GPC5: variants seen among roughly 807,000 people sequenced by gnomAD.
GPC5 encodes glypican-5.
In GPC5, 47 loss-of-function variants were observed where a neutral mutation model predicts 53.9. The observed-to-expected ratio is 0.87, with a 90% CI of 0.69 to 1.11. The LOEUF is 1.11. Ranked by LOEUF, GPC5 falls within the 50% of genes most tolerant of loss-of-function variation. GPC5 has a pLI of 0.00. For synonymous variants in GPC5, 286 were observed against 263.3 expected (o/e 1.09, Z -0.84); for missense variants, 748 against 713.1 (o/e 1.05, Z -0.56).
In GPC5 at chr13:92,137,507, T is replaced by C. The variant is rs1471003262; in HGVS notation, c.1402-7323T>C. Among the ~76,000 whole-genome samples, 6 of 152,218 alleles carry C rather than the reference T, an allele frequency of 3.9e-5. No individual in the cohort carries two copies. The East Asian group carries it at 1.2e-3, about 29-fold the overall frequency. On this transcript the variant is annotated intron_variant, in intron 6 of 7. Coordinates refer to ENST00000377067, the MANE Select transcript of GPC5 (RefSeq NM_004466.6). ...CTCCTACTGGTTATAACGATCTTAA[T>C]GATAAAGTTAACTAACCATAACTGA...
chr13:91,407,688 C>T (rs187579083), intron 1 of GPC5, among the ~76,000 whole-genome samples: 1 of 152,250 alleles, frequency 6.6e-6, no homozygotes, highest in African/African-American at 2.4e-5. Flanking sequence ...ATACATCACT[C>T]GTCTGTGGAA....
At chr13:92,549,217 C>T (rs930099998) in intron 7 of GPC5, among the ~76,000 whole-genome samples, 4 of 152,048 alleles carry the variant, frequency 2.6e-5, no homozygotes, top group Non-Finnish European at 4.4e-5. Context: ...TCTGACTCAA[C>T]ATGTCAGATC....
Position 91,398,699 on chromosome 13 carries a change from G to GGCGGCA in GPC5, c.-339_-334dup, listed in dbSNP as rs1466137435. 5 of 234,894 alleles carry GGCGGCA rather than the reference G, an allele frequency of 2.1e-5. No homozygotes were observed. Among genetic ancestry groups the GGCGGCA allele is most frequent in the South Asian group, 1.2e-4 (1 of 8,606 alleles). The allele number at this position is 234,894 out of a possible 1,614,324, so 14.6% of individuals were successfully genotyped here. On this transcript the variant is annotated 5_prime_UTR_variant, in exon 1 of 8. Coordinates refer to ENST00000377067, the MANE Select transcript of GPC5 (RefSeq NM_004466.6). The stretch of plus-strand genomic sequence containing the variant: ...CGGCAGTGGCGGCAGTGGCGGCAGT[G>GGCGGCA]GCGGCAGCGGCAGCAGTTGCAGCAG...
At chr13:91,503,710 T>C (rs1230790963) in intron 2 of GPC5, among the ~76,000 whole-genome samples, 1 of 149,828 alleles carries the variant, frequency 6.7e-6, no homozygotes, top group African/African-American at 2.5e-5. Flanking sequence ...AACCAGGGAG[T>C]TGGAGGTTGC....
At chr13:91,744,773 A>T (rs1326897045) in intron 4 of GPC5, among the ~76,000 whole-genome samples, 1 of 152,118 alleles carries the variant, frequency 6.6e-6, no homozygotes, top group Non-Finnish European at 1.5e-5. Flanking sequence ...AGCCACAGAA[A>T]ATATCTTATT....
At chr13:92,599,495 CAAGCAGGACATACTAG>C (rs938267830) in intron 7 of GPC5, among the ~76,000 whole-genome samples, 1 of 152,106 alleles carries the variant, frequency 6.6e-6, no homozygotes, top group Non-Finnish European at 1.5e-5. Context: ...GGCAAGATGT[CAAGCAGGACATACTAG>C]AAGTTGATTC....
At chr13:92,746,516 T>C (rs1889244992) in intron 7 of GPC5, among the ~76,000 whole-genome samples, 1 of 152,130 alleles carries the variant, frequency 6.6e-6, no homozygotes, top group African/African-American at 2.4e-5. Flanking sequence ...TGCCTCTCAA[T>C]GCAAAGGAAT....
At chr13:92,827,224 T>C (rs1312035215) in intron 7 of GPC5, among the ~76,000 whole-genome samples, 1 of 152,154 alleles carries the variant, frequency 6.6e-6, no homozygotes, top group African/African-American at 2.4e-5. Context: ...AACGTTCTGC[T>C]TCTGACCTTC....
chr13:92,596,977 A>T lies in GPC5; in HGVS notation c.1562-269305A>T, dbSNP rs771666772. Among the ~76,000 whole-genome samples the T allele has an allele frequency of 1.3e-3, 192 of 152,324 alleles. 1 individual carries two copies. The highest frequency in any genetic ancestry group is 2.5e-3 in the Non-Finnish European group (168 of 68,036). ...GGTGACCAGCAGCTCTGCAGCTATG[A>T]TACGGAGAGACAAGTTCTTCCGTTG... On this transcript the variant is annotated intron_variant, in intron 7 of 7. Coordinates refer to ENST00000377067, the MANE Select transcript of GPC5 (RefSeq NM_004466.6).
At chr13:92,284,566 G>C (rs2139174011) in intron 7 of GPC5, among the ~76,000 whole-genome samples, 1 of 152,226 alleles carries the variant, frequency 6.6e-6, no homozygotes, top group African/African-American at 2.4e-5. Flanking sequence ...CTTCATCCCT[G>C]GGATGCAAGG....
intron 6 of GPC5, among the ~76,000 whole-genome samples, chr13:92,017,864 C>T (rs534724580): frequency 9.9e-5 from 15 of 151,752 alleles, no homozygotes; most frequent in Admixed American, 2.0e-4. Context: ...TACACACATA[C>T]GCGTGCATGA....
At chr13:91,465,667 T>C (rs1460137395) in intron 2 of GPC5, among the ~76,000 whole-genome samples, 1 of 152,202 alleles carries the variant, frequency 6.6e-6, no homozygotes, top group African/African-American at 2.4e-5. Context: ...TCTAATACTT[T>C]TGTATTGAAA....
chr13:91,812,573 A>C (rs924383952), intron 5 of GPC5, among the ~76,000 whole-genome samples: 1 of 152,216 alleles, frequency 6.6e-6, no homozygotes, highest in African/African-American at 2.4e-5. Context: ...GGAATCTACA[A>C]TAATGTCCAA....
At chr13:92,803,858 C>T (rs1283840091) in intron 7 of GPC5, among the ~76,000 whole-genome samples, 2 of 151,896 alleles carry the variant, frequency 1.3e-5, no homozygotes, top group African/African-American at 2.4e-5. Flanking sequence ...ATCATGGAGA[C>T]ATCACACTTC....
chr13:92,275,515 A>G (rs991337289), intron 7 of GPC5, among the ~76,000 whole-genome samples: 5 of 152,176 alleles, frequency 3.3e-5, no homozygotes, highest in African/African-American at 1.2e-4. Context: ...CTTTGTCTAA[A>G]CAATAAGTCA....
chr13:92,332,097 T>C (rs1449888255), intron 7 of GPC5, among the ~76,000 whole-genome samples: 1 of 152,190 alleles, frequency 6.6e-6, no homozygotes, highest in Non-Finnish European at 1.5e-5. Flanking sequence ...TCCTCTCCAC[T>C]GTCCCCCAAA....
At chr13:92,582,234 C>A (rs536593851) in intron 7 of GPC5, among the ~76,000 whole-genome samples, 18 of 152,168 alleles carry the variant, frequency 1.2e-4, no homozygotes, top group African/African-American at 4.3e-4. Flanking sequence ...TGGTGTAATA[C>A]AAAAGTTGAA....
At chr13:91,965,641 C>T (rs2040173511) in intron 6 of GPC5, among the ~76,000 whole-genome samples, 2 of 152,066 alleles carry the variant, frequency 1.3e-5, no homozygotes, top group Admixed American at 1.3e-4. Context: ...GGTTCAAATT[C>T]ATTTAGGCCT....
At chr13:91,926,265 G>A (rs955115601) in intron 6 of GPC5, among the ~76,000 whole-genome samples, 2 of 151,422 alleles carry the variant, frequency 1.3e-5, no homozygotes, top group Non-Finnish European at 2.9e-5. Context: ...GGAGGCTGAG[G>A]CAGGAGAATC....
Sources: gnomAD v4.1 joint callset for allele counts (sites outside exome capture counted in the v4.1 genomes callset) on GRCh38, gnomAD v4.1.1 for gene constraint, MANE v1.5 for transcripts, NCBI Gene and HGNC (gene_info 2026-07-23, HGNC 2026-07-21) for gene names.